The following ELAPOR2 variants were observed in gnomAD, a reference collection of about 807,000 sequenced individuals.
ELAPOR2 encodes endosome/lysosome-associated apoptosis and autophagy regulator family member 2.
A neutral mutation model predicts 120.7 loss-of-function variants in ELAPOR2; 89 were observed. The ratio of observed to expected loss-of-function variants is 0.74; its 90% confidence interval spans 0.62 to 0.88. The LOEUF (loss-of-function observed/expected upper bound fraction) is 0.88. Ranked by LOEUF, ELAPOR2 falls within the 40% of genes least tolerant of loss-of-function variation. The pLI is 0.00. For missense variants in ELAPOR2, 1,134 were observed against 1,251.6 expected, an observed-to-expected ratio of 0.91 and a Z score of 1.42; for synonymous variants, 444 against 444.9, an observed-to-expected ratio of 1.00 and a Z score of 0.03.
chr7:86,939,078 A>G, intron 6 of ELAPOR2, 118 bp from the exon 7 acceptor site: 1 of 1,055,180 alleles, frequency 9.5e-7, no homozygotes, highest in East Asian at 2.5e-5. Context: ...AGGTCAGCCC[A>G]AATCTTTTAT....
intron 1 of ELAPOR2, among the ~76,000 whole-genome samples, chr7:87,047,114 C>T (rs1202235270): frequency 6.6e-6 from 1 of 152,160 alleles, no homozygotes; most frequent in Non-Finnish European, 1.5e-5. Flanking sequence ...ATAAATGATG[C>T]TGGAAAAACT....
chr7:86,904,079 A>C (rs1046398555), intron 18 of ELAPOR2, among the ~76,000 whole-genome samples: 1 of 152,200 alleles, frequency 6.6e-6, no homozygotes, highest in African/African-American at 2.4e-5. Flanking sequence ...CATCGTGACT[A>C]TGCCACACTG....
At chr7:86,935,298 A>G (rs1451663890) in intron 8 of ELAPOR2, among the ~76,000 whole-genome samples, 3 of 151,978 alleles carry the variant, frequency 2.0e-5, no homozygotes, top group East Asian at 1.9e-4. Context: ...TTCTAGTCAC[A>G]CATCCTTTTA....
In ELAPOR2 at chr7:86,912,196, T is replaced by C. The variant is rs756145214; in HGVS notation, c.2045A>G (p.Asn682Ser). The C allele has an allele frequency of 1.9e-6, 3 of 1,608,604 alleles. No individual in the cohort carries two copies. Among genetic ancestry groups the C allele is most frequent in the Non-Finnish European group, 2.6e-6 (3 of 1,175,498 alleles). The change falls in exon 15 of 22, where the codon AAT (asparagine) becomes AGT (serine). Residue 682 changes from asparagine to serine, a missense_variant. Around this residue, in one of 3 missense-constraint regions of ELAPOR2, gnomAD observed 831 missense variants for 867.6 expected, o/e 0.96. Transcript: ENST00000450689. ...SDCFFYHEKE[N>S]QSLHYDFSNL... ...GCTAAAGTCATAGTGCAAACTCTGA[T>C]TTTCTTTTTCATGGTAGAAAAAGCA...
At position 86,879,070 on chromosome 7, in the gene ELAPOR2, C is replaced by T. The variant is rs1318738795; in HGVS notation, c.*1401G>A. ...TCATTTCCCTACATATATGCCCTGC[C>T]TCTCTCAGCCAATCACAACTATTTT... On this transcript the variant is annotated 3_prime_UTR_variant, in exon 22 of 22. Transcript: ENST00000450689. The T allele has an allele frequency of 1.3e-5, 2 of 152,124 alleles. No individual in the cohort carries two copies. The highest frequency in any genetic ancestry group is 4.8e-5 in the African/African-American group (2 of 41,430). 9.4% of individuals were successfully genotyped at this position (152,124 alleles called of 1,614,324 possible).
chr7:87,014,139 C>T (rs1793788947), intron 1 of ELAPOR2, among the ~76,000 whole-genome samples: 1 of 151,006 alleles, frequency 6.6e-6, no homozygotes, highest in Non-Finnish European at 1.5e-5. Flanking sequence ...ACATGTTAGG[C>T]AAGCTTCCTT....
In ELAPOR2 at chr7:87,012,453, T is replaced by C. The variant is rs149403335; in HGVS notation, c.189+46872A>G. Among the ~76,000 whole-genome samples the C allele has an allele frequency of 4.5e-3, 688 of 152,244 alleles. 5 individuals carry two copies. Among genetic ancestry groups the C allele is most frequent in the African/African-American group, 0.015 (618 of 41,558 alleles). On this transcript the variant is annotated intron_variant, in intron 1 of 21. Coordinates refer to ENST00000450689, the MANE Select transcript of ELAPOR2 (RefSeq NM_001142749.3). ...GTAGTCAATATCCACAAATGGCTAC[T>C]AACCACAGTATTAGTCTAGTTCTAC...
At chr7:87,008,546 A>G (rs750970157) in intron 1 of ELAPOR2, among the ~76,000 whole-genome samples, 4 of 152,192 alleles carry the variant, frequency 2.6e-5, no homozygotes, top group Non-Finnish European at 4.4e-5. Context: ...TCTTATGGAA[A>G]GATGTACTAA....
chr7:86,945,894 G>T (rs1355150966), intron 3 of ELAPOR2, among the ~76,000 whole-genome samples: 2 of 151,966 alleles, frequency 1.3e-5, no homozygotes, highest in Non-Finnish European at 2.9e-5. Flanking sequence ...TTGGGAAGAA[G>T]TGTTACACAC....
At chr7:86,928,581 TA>T (rs1265202944) in intron 8 of ELAPOR2, among the ~76,000 whole-genome samples, 4 of 152,052 alleles carry the variant, frequency 2.6e-5, no homozygotes, top group African/African-American at 9.6e-5. Flanking sequence ...CTCAAGTTTA[TA>T]AATGAGGAAA....
At chr7:87,047,624 A>G (rs1262619856) in intron 1 of ELAPOR2, among the ~76,000 whole-genome samples, 1 of 152,250 alleles carries the variant, frequency 6.6e-6, no homozygotes, top group Admixed American at 6.5e-5. Flanking sequence ...CAAAACTACA[A>G]TATCATCTCA....
chr7:87,015,450 T>C (rs1211309977), intron 1 of ELAPOR2, among the ~76,000 whole-genome samples: 4 of 152,204 alleles, frequency 2.6e-5, no homozygotes, highest in African/African-American at 4.8e-5. Flanking sequence ...ACAAAAATTA[T>C]AAAACCTTTT....
In ELAPOR2 at chr7:86,912,075, A is replaced by T. The variant is rs149764709; in HGVS notation, c.2166T>A (p.His722Gln). 9 of 1,602,970 alleles carry T rather than the reference A, an allele frequency of 5.6e-6. No homozygotes were observed. The highest frequency in any genetic ancestry group is 7.7e-6 in the Non-Finnish European group (9 of 1,170,954). Residue 722 changes from histidine to glutamine, a missense_variant, in exon 15 of 22, where the codon CAT becomes CAA. Coordinates refer to ENST00000450689, the MANE Select transcript of ELAPOR2 (RefSeq NM_001142749.3). ...FHFFNISLCG[H>Q]EGKKMALCTN... ...CACCTTGACAGCCAGAACTCACCTC[A>T]TGCCCACATAAACTGATATTGAAGA...
intron 2 of ELAPOR2, among the ~76,000 whole-genome samples, chr7:86,948,253 C>G (rs1289231433): frequency 6.6e-6 from 1 of 152,188 alleles, no homozygotes; most frequent in Non-Finnish European, 1.5e-5. Flanking sequence ...CTGTTCTCAA[C>G]TCAAAAACCA....
In ELAPOR2 at chr7:86,995,077, T is replaced by C. The variant is rs74971428; in HGVS notation, c.190-30053A>G. Reference sequence around the variant, plus strand: ...CTTTTTCTTACCAGGGCTAGCTTCATCCTTAAACTGGCAACAAGACAGCTG... The same window carrying C: ...CTTTTTCTTACCAGGGCTAGCTTCACCCTTAAACTGGCAACAAGACAGCTG... On this transcript the variant is annotated intron_variant, in intron 1 of 21. Coordinates refer to ENST00000450689, the MANE Select transcript of ELAPOR2 (RefSeq NM_001142749.3). Among the ~76,000 whole-genome samples the C allele has an allele frequency of 1.8e-3, 272 of 152,304 alleles. 9 individuals are homozygous for C. The East Asian group carries it at 0.035, about 20-fold the overall frequency.
chr7:86,967,182 A>G (rs569629728), intron 1 of ELAPOR2, among the ~76,000 whole-genome samples: 1 of 152,132 alleles, frequency 6.6e-6, no homozygotes, highest in Non-Finnish European at 1.5e-5. Context: ...TGTCTTGGCT[A>G]GGAGCTGTGC....
chr7:86,916,265 A>T (rs1410979397), intron 12 of ELAPOR2, among the ~76,000 whole-genome samples: 1 of 152,206 alleles, frequency 6.6e-6, no homozygotes, highest in Non-Finnish European at 1.5e-5. Flanking sequence ...AGCACACTGG[A>T]GAGAGTGGCT....
chr7:86,930,292 C>G (rs1401057412), intron 8 of ELAPOR2, among the ~76,000 whole-genome samples: 1 of 151,888 alleles, frequency 6.6e-6, no homozygotes, highest in Non-Finnish European at 1.5e-5. Context: ...GTGTTAAAAA[C>G]AGACTATTAG....
At chr7:86,885,047 A>T (rs1799622732) in intron 21 of ELAPOR2, among the ~76,000 whole-genome samples, 1 of 152,158 alleles carries the variant, frequency 6.6e-6, no homozygotes, top group Non-Finnish European at 1.5e-5. Flanking sequence ...ACGCGGAAGA[A>T]GTTCACTAGA....
Sources: gnomAD v4.1 joint callset for allele counts (sites outside exome capture counted in the v4.1 genomes callset) on GRCh38, gnomAD v4.1.1 for gene constraint, gnomAD v4.1.1 regional missense constraint, MANE v1.5 for transcripts, NCBI Gene and HGNC (gene_info 2026-07-23, HGNC 2026-07-21) for gene names.